UBLCP1: variants seen among roughly 807,000 people sequenced by gnomAD.
UBLCP1 encodes the protein ubiquitin like domain containing CTD phosphatase 1.
UBLCP1 carries 28 observed loss-of-function variants against 42.4 expected under a neutral mutation model. That is an observed-to-expected ratio of 0.66 (90% CI 0.49 to 0.90). UBLCP1 has a LOEUF of 0.90. Ranked by LOEUF, UBLCP1 falls within the 40% of genes least tolerant of loss-of-function variation. The pLI is 0.00. For missense variants in UBLCP1, 279 were observed against 374.5 expected, an observed-to-expected ratio of 0.75 and a Z score of 2.10; for synonymous variants, 122 against 120.8, an observed-to-expected ratio of 1.01 and a Z score of -0.07.
At chr5:159,284,763 A>G in intron 10 of UBLCP1, 141 bp from the exon 11 acceptor site, 1 of 818,660 alleles carries the variant, frequency 1.2e-6, no homozygotes, top group Non-Finnish European at 2.1e-6. Flanking sequence ...CGTGCACATA[A>G]TCAGTAGATG....
chr5:159,270,323 A>T, intron 3 of UBLCP1, 37 bp from the exon 4 acceptor site: 1 of 1,473,484 alleles, frequency 6.8e-7, no homozygotes, highest in Non-Finnish European at 9.4e-7. Flanking sequence ...TATATTAAGG[A>T]TAATATGGTA....
chr5:159,274,482 C>G, intron 6 of UBLCP1, 103 bp from the exon 7 acceptor site: 1 of 863,642 alleles, frequency 1.2e-6, no homozygotes, highest in South Asian at 1.7e-5. Context: ...AATTCTGATG[C>G]ATTTAAACTT....
intron 9 of UBLCP1, among the ~76,000 whole-genome samples, chr5:159,282,239 G>A (rs554917105): frequency 9.9e-5 from 15 of 152,176 alleles, no homozygotes; most frequent in South Asian, 4.1e-4. Context: ...ATTTGAGCAG[G>A]TGTCTTTTAC....
Position 159,285,066 on chromosome 5 carries a change from G to T in UBLCP1, c.*135G>T. The T allele has an allele frequency of 1.3e-6, 1 of 787,868 alleles. No homozygotes were observed. The highest frequency in any genetic ancestry group is 2.8e-5 in the East Asian group (1 of 36,222). The allele number at this position is 787,868 out of a possible 1,614,324, so 48.8% of individuals were successfully genotyped here. A position where few individuals can be genotyped will look rare whatever the true frequency, so the allele number is the denominator to read the frequency against. On this transcript the variant is annotated 3_prime_UTR_variant, in exon 11 of 11. Transcript: ENST00000296786. ...CTTATACTTGGTCTTCCAGTTTTTT[G>T]TAAATTTAATTTTATATTTTTTGAA...
rs537981174 is a variant in UBLCP1, at chr5:159,285,532, G to A, written c.*601G>A. On this transcript the variant is annotated 3_prime_UTR_variant, in exon 11 of 11. Transcript: ENST00000296786. ...CTAGTTACATTTCTAAATTCTGAGC[G>A]GTCTCAGTTAGGCCTGTATGTGTGT... The A allele has an allele frequency of 5.2e-5, 8 of 152,840 alleles. No homozygotes were observed. The highest frequency in any genetic ancestry group is 1.2e-4 in the African/African-American group (5 of 41,482). The allele number at this position is 152,840 out of a possible 1,614,324, so 9.5% of individuals were successfully genotyped here.
chr5:159,267,238 A>C (rs1369501950), intron 1 of UBLCP1, among the ~76,000 whole-genome samples: 6 of 152,214 alleles, frequency 3.9e-5, no homozygotes, highest in African/African-American at 1.4e-4. Flanking sequence ...CTCTTGCATC[A>C]GTGTGACCTG....
At position 159,285,225 on chromosome 5, in the gene UBLCP1, C is replaced by T. The variant is rs1037476780; in HGVS notation, c.*294C>T. ...ACACACACACACACACACACACACACACACACACACACACACACAAAGTGG... is the reference window on the plus strand; with the variant it reads ...ACACACACACACACACACACACACATACACACACACACACACACAAAGTGG... On this transcript the variant is annotated 3_prime_UTR_variant, in exon 11 of 11. Coordinates refer to ENST00000296786, the MANE Select transcript of UBLCP1 (RefSeq NM_145049.5). 1.5e-5 allele frequency: 4 copies of T among 260,896 alleles called. 1 individual carries two copies. Among genetic ancestry groups the T allele is most frequent in the African/African-American group, 9.7e-5 (4 of 41,440 alleles). The allele number at this position is 260,896 out of a possible 1,614,324, so 16.2% of individuals were successfully genotyped here. A position where few individuals can be genotyped will look rare whatever the true frequency, so the allele number is the denominator to read the frequency against.
intron 9 of UBLCP1, among the ~76,000 whole-genome samples, chr5:159,281,448 G>A (rs560253441): frequency 2.9e-4 from 44 of 152,222 alleles, no homozygotes; most frequent in Non-Finnish European, 3.7e-4. Context: ...GTAAAGCGTC[G>A]TCTTCAGCCC....
chr5:159,278,159 G>A (rs1012372868), intron 8 of UBLCP1, 79 bp from the exon 9 acceptor site: 7 of 931,660 alleles, frequency 7.5e-6, no homozygotes, highest in African/African-American at 3.3e-5. Context: ...GTTCTGCAGG[G>A]CAGTTTGCAG....
At chr5:159,278,414 TGTA>T in intron 9 of UBLCP1, 60 bp downstream of exon 9, 1 of 1,121,630 alleles carries the variant, frequency 8.9e-7, no homozygotes, top group South Asian at 1.2e-5. Flanking sequence ...GTAGAACTTT[TGTA>T]GTAAGCACTG....
chr5:159,282,546 A>C (rs11750683), intron 9 of UBLCP1, among the ~76,000 whole-genome samples: 41,724 of 151,986 alleles, frequency 0.27, 6,188 homozygotes, highest in South Asian at 0.32. Context: ...ACCTCGGTCT[A>C]TTATTCTGAC....
intron 1 of UBLCP1, among the ~76,000 whole-genome samples, chr5:159,266,116 G>A (rs1753388174): frequency 6.6e-6 from 1 of 152,234 alleles, no homozygotes. Context: ...GGTTGGAACA[G>A]TTTGGAGGGC....
chr5:159,264,435 G>C (rs140213336), intron 1 of UBLCP1, among the ~76,000 whole-genome samples: 1 of 152,342 alleles, frequency 6.6e-6, no homozygotes, highest in Non-Finnish European at 1.5e-5. Context: ...TCTTAATGAT[G>C]AAATAAGGTT....
intron 1 of UBLCP1, among the ~76,000 whole-genome samples, chr5:159,267,252 G>A (rs1753409657): frequency 6.6e-6 from 1 of 152,226 alleles, no homozygotes; most frequent in South Asian, 2.1e-4. Context: ...TGACCTGGAT[G>A]TGAGATCTGG....
intron 1 of UBLCP1, among the ~76,000 whole-genome samples, chr5:159,268,013 G>A (rs1229578544): frequency 6.6e-6 from 1 of 151,428 alleles, no homozygotes; most frequent in Non-Finnish European, 1.5e-5. Flanking sequence ...AATTGTGGAG[G>A]AGAAGAAACA....
intron 8 of UBLCP1, 121 bp from the exon 9 acceptor site, chr5:159,278,117 G>A (rs1196754253): frequency 1.5e-6 from 1 of 659,646 alleles, no homozygotes; most frequent in Non-Finnish European, 2.7e-6. Flanking sequence ...GCTCACACCT[G>A]TCTTACAGGG....
chr5:159,274,387 T>A (rs1753508713), intron 6 of UBLCP1, 198 bp from the exon 7 acceptor site: 1 of 425,056 alleles, frequency 2.4e-6, no homozygotes, highest in Admixed American at 4.4e-5. Flanking sequence ...TGTTTAAAAT[T>A]TATTCTGTCT....
At chr5:159,275,030 A>G (rs1753516122) in intron 7 of UBLCP1, 118 bp from the exon 8 acceptor site, 6 of 790,132 alleles carry the variant, frequency 7.6e-6, no homozygotes, top group Non-Finnish European at 1.3e-5. Context: ...GTTTAGCAAG[A>G]TGTAGTGGCC....
chr5:159,273,834 TCA>T (rs34999232), intron 6 of UBLCP1, among the ~76,000 whole-genome samples: 10,254 of 148,546 alleles, frequency 0.069, 346 homozygotes, highest in Non-Finnish European at 0.088. Flanking sequence ...CTTTTAAAAA[TCA>T]CACACACACA....
Sources: gnomAD v4.1 joint callset for allele counts (sites outside exome capture counted in the v4.1 genomes callset) on GRCh38, gnomAD v4.1.1 for gene constraint, MANE v1.5 for transcripts, NCBI Gene and HGNC (gene_info 2026-07-23, HGNC 2026-07-21) for gene names.